The following AK7 variants were observed in gnomAD, a reference collection of about 807,000 sequenced individuals.
The protein encoded by AK7 is adenylate kinase 7.
In AK7, 78 loss-of-function variants were observed where a neutral mutation model predicts 96.6. That is an observed-to-expected ratio of 0.81 (90% CI 0.67 to 0.97). AK7 has a LOEUF of 0.97. AK7 is among the 50% of genes least tolerant of loss of function. The probability of loss-of-function intolerance (pLI) is 0.00; values close to 1 mark genes in which losing one functional copy is unlikely to be tolerated. For missense variants in AK7, 855 were observed against 887.9 expected, an observed-to-expected ratio of 0.96 and a Z score of 0.47; for synonymous variants, 302 against 317.2, an observed-to-expected ratio of 0.95 and a Z score of 0.51.
At chr14:96,475,500 C>A (rs1483975789) in intron 14 of AK7, among the ~76,000 whole-genome samples, 1 of 152,102 alleles carries the variant, frequency 6.6e-6, no homozygotes, top group Admixed American at 6.6e-5. Context: ...TTGCCTGGGG[C>A]CTGGTCCTGG....
intron 5 of AK7, among the ~76,000 whole-genome samples, chr14:96,428,083 A>G (rs1323865983): frequency 2.0e-5 from 3 of 152,062 alleles, no homozygotes; most frequent in Non-Finnish European, 4.4e-5. Context: ...CATTTACATT[A>G]GGTATTTCTC....
intron 12 of AK7, among the ~76,000 whole-genome samples, chr14:96,464,963 C>A (rs928819227): frequency 4.6e-5 from 7 of 152,176 alleles, no homozygotes; most frequent in African/African-American, 9.7e-5. Context: ...AGTCTCCAGA[C>A]CCACTAAGGA....
chr14:96,414,785 T>TGGTGCAG (rs1891236583), intron 4 of AK7, among the ~76,000 whole-genome samples: 1 of 131,094 alleles, frequency 7.6e-6, no homozygotes, highest in Admixed American at 8.5e-5. Flanking sequence ...TTTTTTAGTG[T>TGGTGCAG]GGTGCAGGCT....
At chr14:96,464,195 G>A (rs1205329591) in intron 12 of AK7, among the ~76,000 whole-genome samples, 1 of 151,958 alleles carries the variant, frequency 6.6e-6, no homozygotes, top group Non-Finnish European at 1.5e-5. Context: ...CACAGAGTAG[G>A]GCGTCTTCAG....
intron 5 of AK7, among the ~76,000 whole-genome samples, chr14:96,428,196 G>C (rs1892140605): frequency 6.6e-6 from 1 of 151,630 alleles, no homozygotes; most frequent in Non-Finnish European, 1.5e-5. Context: ...TCCCACTTAT[G>C]AGTGAGAACA....
At chr14:96,401,661 C>G (rs1178464144) in intron 2 of AK7, among the ~76,000 whole-genome samples, 1 of 152,222 alleles carries the variant, frequency 6.6e-6, no homozygotes, top group East Asian at 1.9e-4. Context: ...TGGAATGATA[C>G]AGAGAAGACC....
chr14:96,415,006 T>C (rs1051946552), intron 4 of AK7, among the ~76,000 whole-genome samples: 12 of 151,964 alleles, frequency 7.9e-5, no homozygotes, highest in African/African-American at 2.9e-4. Context: ...CCACCTGCCT[T>C]GGCCTCCCAA....
chr14:96,446,659 G>A (rs1275919139), intron 8 of AK7, 52 bp downstream of exon 8: 2 of 1,548,212 alleles, frequency 1.3e-6, no homozygotes, highest in Non-Finnish European at 1.8e-6. Context: ...TAGTTTTGCT[G>A]GCTGGGCGCG....
chr14:96,432,138 A>G (rs1030512972), intron 5 of AK7, among the ~76,000 whole-genome samples: 7 of 147,344 alleles, frequency 4.8e-5, no homozygotes, highest in Non-Finnish European at 8.9e-5. Flanking sequence ...AGAACTTCCT[A>G]TGCTCCGTTG....
At chr14:96,413,467 G>T (rs1004426707) in intron 4 of AK7, among the ~76,000 whole-genome samples, 3 of 152,208 alleles carry the variant, frequency 2.0e-5, no homozygotes, top group Non-Finnish European at 4.4e-5. Flanking sequence ...CGGCAGAGTT[G>T]CTGTGGGTAG....
chr14:96,438,220 C>T (rs1892756599), intron 6 of AK7, among the ~76,000 whole-genome samples: 1 of 152,160 alleles, frequency 6.6e-6, no homozygotes, highest in South Asian at 2.1e-4. Flanking sequence ...AATAAAGTCC[C>T]TCCTCTTGCG....
chr14:96,466,051 G>A (rs1894550026), intron 12 of AK7, among the ~76,000 whole-genome samples: 1 of 150,800 alleles, frequency 6.6e-6, no homozygotes. Context: ...TACAACATAG[G>A]AAGGAACAAT....
rs10132084 is a variant in AK7 at position 96,436,611 on chromosome 14, C to T, written c.610-1224C>T. Among the ~76,000 whole-genome samples, 221 of 152,298 alleles carry T rather than the reference C, an allele frequency of 1.5e-3. 1 individual carries two copies. The highest frequency in any genetic ancestry group is 4.9e-3 in the African/African-American group (204 of 41,550). ...AGTGAGCCTAGATTATGCCACTGCA[C>T]TCCAGCCTGGGCAACAAGTGAAACT... On this transcript the variant is annotated intron_variant, in intron 5 of 17. Transcript: ENST00000267584.
In AK7 at chr14:96,398,091, T is replaced by C; in HGVS notation, c.122T>C (p.Val41Ala). The change falls in exon 2 of 18, where the codon GTA becomes GCA. Residue 41 changes from valine (V) to alanine (A), a missense_variant. Val to Ala is a moderately conservative substitution (Grantham distance 64). Coordinates refer to ENST00000267584, the MANE Select transcript of AK7 (RefSeq NM_152327.5). ...TCCTTGCAGTTTCTATCTAACTGTG[T>C]AGTTGGGGCTTCGCTTGAAGAAATT... The part of the protein sequence containing the change: ...GNIGKFLSNC[V>A]VGASLEEITE... The C allele has an allele frequency of 1.9e-6, 3 of 1,614,022 alleles. No individual in the cohort carries two copies. The highest frequency in any genetic ancestry group is 1.7e-6 in the Non-Finnish European group (2 of 1,180,000).
intron 5 of AK7, among the ~76,000 whole-genome samples, chr14:96,423,322 T>G (rs1891823050): frequency 6.6e-6 from 1 of 152,172 alleles, no homozygotes; most frequent in African/African-American, 2.4e-5. Flanking sequence ...CAATCCTTAT[T>G]TATTTATTTT....
At chr14:96,450,768 C>CTTTTTTTT (rs937558741) in intron 9 of AK7, among the ~76,000 whole-genome samples, 3 of 93,174 alleles carry the variant, frequency 3.2e-5, no homozygotes, top group Non-Finnish European at 6.1e-5. Context: ...ATATTTTTCT[C>CTTTTTTTT]TTTTTTTTTT....
intron 12 of AK7, among the ~76,000 whole-genome samples, chr14:96,458,912 C>CAA (rs780061684): frequency 3.4e-4 from 8 of 23,518 alleles, no homozygotes; most frequent in Admixed American, 5.5e-4. Context: ...CCTGTCTCAA[C>CAA]AAAAAAAAAA....
At chr14:96,448,489 G>C (rs115104816) in intron 8 of AK7, among the ~76,000 whole-genome samples, 2,533 of 151,718 alleles carry the variant, frequency 0.017, 75 homozygotes, top group African/African-American at 0.058. Flanking sequence ...AATTAGCCAG[G>C]CTTGGTGGTG....
chr14:96,410,732 G>A (rs1344924219), intron 4 of AK7, among the ~76,000 whole-genome samples: 1 of 152,226 alleles, frequency 6.6e-6, no homozygotes, highest in Non-Finnish European at 1.5e-5. Context: ...GCCAGGTGTA[G>A]TGGTGCTTGC....
Sources: gnomAD v4.1 joint callset for allele counts (sites outside exome capture counted in the v4.1 genomes callset) on GRCh38, gnomAD v4.1.1 for gene constraint, MANE v1.5 for transcripts, NCBI Gene and HGNC (gene_info 2026-07-23, HGNC 2026-07-21) for gene names.